USB1: variants seen among roughly 807,000 people sequenced by gnomAD.
The protein encoded by USB1 is U6 snRNA biogenesis phosphodiesterase 1.
A neutral mutation model predicts 29.9 loss-of-function variants in USB1; 21 were observed. The observed-to-expected ratio is 0.70, with a 90% CI of 0.50 to 1.01. The LOEUF is 1.01. Ranked by LOEUF, USB1 falls within the 50% of genes least tolerant of loss-of-function variation. The pLI, the probability that USB1 is intolerant of heterozygous loss-of-function variation, is 0.00. For synonymous variants in USB1, 143 were observed against 134.9 expected (o/e 1.06, Z -0.42); for missense variants, 330 against 347.1 (o/e 0.95, Z 0.39).
chr16:58,010,520 C>T, intron 3 of USB1: 1 of 290,146 alleles, frequency 3.4e-6, no homozygotes. Context: ...GACTCAGTCC[C>T]ACAAGACTGC....
At chr16:58,006,135 C>T (rs940605287) in intron 2 of USB1, among the ~76,000 whole-genome samples, 1 of 150,134 alleles carries the variant, frequency 6.7e-6, no homozygotes, top group East Asian at 2.0e-4. Flanking sequence ...GACAGATTAC[C>T]TGAGGTTGGG....
chr16:58,013,122 T>C lies in USB1; in HGVS notation c.450-1151T>C. 1 of 985,448 alleles carries C rather than the reference T, an allele frequency of 1.0e-6. No homozygotes were observed. Among genetic ancestry groups the C allele is most frequent in the Non-Finnish European group, 1.2e-6 (1 of 830,010 alleles). The allele number at this position is 985,448 out of a possible 1,614,324, so 61.0% of individuals were successfully genotyped here. ...GTGGGCGGTGCACCCCTGATTCTGT[T>C]GCTGTGACTGAGGAAATGCTAAGCT... On this transcript the variant is annotated intron_variant, in intron 3 of 6. Transcript: ENST00000219281. This position sits in a 1 kb window ranked among gnomAD's most constrained non-coding sequence, Gnocchi z 4.3.
intron 1 of USB1, 80 bp downstream of exon 1, chr16:58,001,661 G>A: frequency 6.7e-7 from 1 of 1,488,066 alleles, no homozygotes; most frequent in Non-Finnish European, 9.2e-7. Context: ...TGGGGGTGGA[G>A]TGGGGAGGGA....
At chr16:58,006,310 C>T (rs968336009) in intron 2 of USB1, among the ~76,000 whole-genome samples, 18 of 144,266 alleles carry the variant, frequency 1.2e-4, no homozygotes, top group African/African-American at 4.4e-4. Flanking sequence ...CAAGATTGCA[C>T]CATTGCACTC....
upstream of USB1, chr16:58,001,258 C>T: frequency 1.6e-6 from 1 of 618,374 alleles, no homozygotes; most frequent in East Asian, 2.8e-5. Context: ...AGCGGGGTGC[C>T]GGGAGGCTGC....
chr16:58,012,775 G>T (rs1963527530), intron 3 of USB1: 9 of 1,012,882 alleles, frequency 8.9e-6, no homozygotes, highest in Non-Finnish European at 1.1e-5. Flanking sequence ...CTGGCACACT[G>T]CACTTGCGCT....
chr16:58,009,815 T>C, intron 2 of USB1, 114 bp from the exon 3 acceptor site: 1 of 1,154,366 alleles, frequency 8.7e-7, no homozygotes, highest in Admixed American at 1.7e-5. Flanking sequence ...GTCCAAGTAA[T>C]TTTCTCCCCA....
rs1210637429 is a variant in USB1 at position 58,011,266 on chromosome 16, A to G, written c.449+1154A>G. The G allele has an allele frequency of 4.1e-6, 6 of 1,448,134 alleles. 1 individual carries two copies. The highest frequency in any genetic ancestry group is 1.8e-4 in the Middle Eastern group (1 of 5,572). 89.7% of individuals were successfully genotyped at this position (1,448,134 alleles called of 1,614,324 possible). A position where few individuals can be genotyped will look rare whatever the true frequency, so the allele number is the denominator to read the frequency against. On this transcript the variant is annotated intron_variant, in intron 3 of 6. Coordinates refer to ENST00000219281, the MANE Select transcript of USB1 (RefSeq NM_024598.4). ...GTGATAGGTCAAACAGGTCATGGTA[A>G]TGGTGGGAGCTACCTCACTGGGGGC... is the stretch of plus-strand genomic sequence containing the variant.
At position 58,008,478 on chromosome 16, in the gene USB1, G is replaced by A. The variant is rs144933465; in HGVS notation, c.266-1451G>A. Among the ~76,000 whole-genome samples, 1,409 of 141,938 alleles carry A rather than the reference G, an allele frequency of 9.9e-3. 11 individuals carry two copies. Among genetic ancestry groups the A allele is most frequent in the Admixed American group, 0.021 (291 of 13,990 alleles). The allele number at this position is 141,938 out of a possible 152,430, so 93.1% of individuals were successfully genotyped here. On this transcript the variant is annotated intron_variant, in intron 2 of 6. Coordinates refer to ENST00000219281, the MANE Select transcript of USB1 (RefSeq NM_024598.4). ...CTTTTTTTTTTTTTTTTTTGTGAGG[G>A]AGCCTCGATCCGTCACCCAGGCTGG...
chr16:58,012,383 G>A, intron 3 of USB1: 3 of 1,484,862 alleles, frequency 2.0e-6, no homozygotes, highest in Non-Finnish European at 2.7e-6. Context: ...AAATTTATAG[G>A]CTGGTATAAC....
At chr16:58,002,417 T>G (rs1401580053) in intron 1 of USB1, 62 bp from the exon 2 acceptor site, 2 of 1,604,952 alleles carry the variant, frequency 1.2e-6, no homozygotes, top group Non-Finnish European at 1.7e-6. Context: ...TTTTGTGGTA[T>G]ATACAAAGGT....
Position 58,019,037 on chromosome 16 carries a change from G to T in USB1, c.675G>T (p.Gln225His). 1 of 1,614,200 alleles carries T rather than the reference G, an allele frequency of 6.2e-7. No individual in the cohort carries two copies. Residue 225 changes from glutamine (Q) to histidine (H), a missense_variant, in exon 6 of 7, where the codon CAG (glutamine) becomes CAT (histidine). Gln to His is a conservative substitution (Grantham distance 24). Coordinates refer to ENST00000219281, the MANE Select transcript of USB1 (RefSeq NM_024598.4). Reference protein sequence around the residue: ...VGDARLQLEGQCLQELQAIVD... With the variant: ...VGDARLQLEGHCLQELQAIVD... ...ATGCACGTCTCCAGCTGGAGGGGCA[G>T]TGCCTGCAGGAACTACAGGTGAATT...
intron 5 of USB1, among the ~76,000 whole-genome samples, chr16:58,018,403 T>C (rs1963666435): frequency 6.6e-6 from 1 of 152,116 alleles, no homozygotes; most frequent in South Asian, 2.1e-4. Flanking sequence ...TTTGTATTTT[T>C]AGTAGAGACG....
chr16:58,003,938 G>A (rs375782175), intron 2 of USB1, among the ~76,000 whole-genome samples: 8 of 152,226 alleles, frequency 5.3e-5, no homozygotes, highest in Middle Eastern at 3.4e-3. Flanking sequence ...CAGAGCAGAA[G>A]TTTTTAAGTT....
At chr16:58,000,022 G>T (rs1040342916), upstream of USB1, among the ~76,000 whole-genome samples, 3 of 152,242 alleles carry the variant, frequency 2.0e-5, no homozygotes, top group Admixed American at 2.0e-4. This position sits in a 1 kb window ranked among gnomAD's most constrained non-coding sequence, Gnocchi z 4.5. Context: ...GGCAAGGAGA[G>T]GCAGGGGAGG....
intron 2 of USB1, among the ~76,000 whole-genome samples, chr16:58,005,507 C>T (rs541450246): frequency 6.6e-6 from 1 of 152,160 alleles, no homozygotes; most frequent in Admixed American, 6.5e-5. Context: ...CACTATGTCC[C>T]CTCAGCTCCT....
intron 6 of USB1, 149 bp from the exon 7 acceptor site, chr16:58,019,992 A>C (rs1963699723): frequency 1.4e-6 from 1 of 738,070 alleles, no homozygotes; most frequent in East Asian, 2.7e-5. Flanking sequence ...TACAGAAGTG[A>C]TCAGACAAGA....
At chr16:58,001,105 G>A (rs1963172848), upstream of USB1, among the ~76,000 whole-genome samples, 1 of 152,180 alleles carries the variant, frequency 6.6e-6, no homozygotes, top group African/African-American at 2.4e-5. Context: ...GGGCAGGCAG[G>A]GGTCTCCGCT....
chr16:58,017,466 A>C, intron 5 of USB1, 27 bp downstream of exon 5: 1 of 1,584,430 alleles, frequency 6.3e-7, no homozygotes, highest in Non-Finnish European at 8.7e-7. Context: ...CTGCTTCTCC[A>C]TTGACCCATT....
Sources: allele counts gnomAD v4.1 joint callset (sites outside exome capture counted in the v4.1 genomes callset), GRCh38; gene constraint gnomAD v4.1.1; non-coding constraint Gnocchi (gnomAD v3.1); transcripts MANE v1.5; gene names NCBI Gene and HGNC (gene_info 2026-07-23, HGNC 2026-07-21).